The following RYR3 variants were observed in gnomAD, a reference collection of about 807,000 sequenced individuals.
RYR3 encodes ryanodine receptor 3, also known as brain ryanodine receptor-calcium release channel.
A neutral mutation model predicts 584.3 loss-of-function variants in RYR3; 207 were observed. The observed-to-expected ratio is 0.35, with a 90% confidence interval of 0.32 to 0.40. The LOEUF is 0.40. RYR3 is among the 10% of genes least tolerant of loss of function. The probability of loss-of-function intolerance (pLI) is 1.00; values close to 1 mark genes in which losing one functional copy is unlikely to be tolerated. For missense variants in RYR3, 5,616 were observed against 6,089.2 expected (o/e 0.92, Z 2.59); for synonymous variants, 2,416 against 2,248.5 (o/e 1.07, Z -2.11).
chr15:33,387,755 C>T (rs776402789), intron 1 of RYR3, among the ~76,000 whole-genome samples: 8 of 151,106 alleles, frequency 5.3e-5, no homozygotes, highest in Non-Finnish European at 1.0e-4. Context: ...GAACAAAATG[C>T]TCTAAAAAAA....
At chr15:33,625,935 T>C (rs1167278782) in intron 20 of RYR3, among the ~76,000 whole-genome samples, 4 of 152,180 alleles carry the variant, frequency 2.6e-5, no homozygotes, top group African/African-American at 9.7e-5. Context: ...TTTTTCAAAG[T>C]CTTCAGCTCA....
At chr15:33,840,779 C>T in intron 89 of RYR3, 46 bp from the exon 90 acceptor site, 3 of 1,584,890 alleles carry the variant, frequency 1.9e-6, no homozygotes, top group Non-Finnish European at 2.6e-6. Flanking sequence ...ATCATCATGA[C>T]CTCGCTTCTT....
intron 27 of RYR3, 62 bp downstream of exon 27, chr15:33,636,612 C>G: frequency 4.3e-6 from 6 of 1,391,218 alleles, no homozygotes; most frequent in Non-Finnish European, 4.9e-6. Flanking sequence ...ATAGGGAGAG[C>G]TGAGCGACCT....
In RYR3 at chr15:33,581,566, C is replaced by T; in HGVS notation, c.1496C>T (p.Ala499Val). 6.2e-7 allele frequency: 1 copy of T among 1,613,284 alleles called. No homozygotes were observed. The highest frequency in any genetic ancestry group is 8.5e-7 in the Non-Finnish European group (1 of 1,179,248). The change falls in exon 14 of 104, where the codon GCA becomes GTA. Residue 499 changes from alanine to valine, a missense_variant. Physicochemically the swap from Ala to Val is moderately conservative, Grantham distance 64. Coordinates refer to ENST00000634891, the MANE Select transcript of RYR3 (RefSeq NM_001036.6). ...CGCTTAAATGTCTACAATAGCGTAG[C>T]ACACTTTGCAGGGATTGCAAGGGAA... ...IDRLNVYNSV[A>V]HFAGIAREES...
At chr15:33,800,653 G>A (rs2075868338) in intron 67 of RYR3, 117 bp from the exon 68 acceptor site, 1 of 679,616 alleles carries the variant, frequency 1.5e-6, no homozygotes, top group Non-Finnish European at 2.6e-6. Flanking sequence ...GCTTTCATAT[G>A]AGAATGCAGT....
chr15:33,380,551 A>G (rs11633044), intron 1 of RYR3, among the ~76,000 whole-genome samples: 33,669 of 152,116 alleles, frequency 0.22, 3,914 homozygotes, highest in East Asian at 0.38. Context: ...TTCAAGGGAG[A>G]GGGCTAAATA....
At chr15:33,630,617 G>T (rs1250497013) in intron 22 of RYR3, among the ~76,000 whole-genome samples, 1 of 152,172 alleles carries the variant, frequency 6.6e-6, no homozygotes, top group Non-Finnish European at 1.5e-5. Context: ...TTGTCCCACA[G>T]GCTTACATGG....
In RYR3 at chr15:33,738,509, G is replaced by A; in HGVS notation, c.7575G>A (p.Gly2525=). Residue 2525 remains glycine, a synonymous_variant, in exon 50 of 104, where the codon GGG becomes GGA. Coordinates refer to ENST00000634891, the MANE Select transcript of RYR3 (RefSeq NM_001036.6). ...WKYYCLPSGW[G]SYGLAVEEEL... ...ATTACTGCCTGCCTTCAGGATGGGG[G>A]AGCTACGGGCTAGCTGTGGAAGAAG... 1 of 1,613,952 alleles carries A rather than the reference G, an allele frequency of 6.2e-7. No individual in the cohort carries two copies. The highest frequency in any genetic ancestry group is 8.5e-7 in the Non-Finnish European group (1 of 1,179,864).
chr15:33,863,549 G>GC (rs1889298203), intron 102 of RYR3, among the ~76,000 whole-genome samples: 1 of 152,290 alleles, frequency 6.6e-6, no homozygotes, highest in Non-Finnish European at 1.5e-5. Context: ...TGAGAGTTCA[G>GC]CCCCTGCCCC....
At chr15:33,360,099 C>T (rs543130588) in intron 1 of RYR3, among the ~76,000 whole-genome samples, 1 of 152,228 alleles carries the variant, frequency 6.6e-6, no homozygotes, top group East Asian at 1.9e-4. Flanking sequence ...ATATCATATT[C>T]CAGCACTTAG....
intron 96 of RYR3, 99 bp from the exon 97 acceptor site, chr15:33,854,290 T>A: frequency 1.2e-6 from 1 of 868,012 alleles, no homozygotes. Context: ...CATATTTAGG[T>A]TATTAAACCT....
chr15:33,652,634 T>C, intron 31 of RYR3, 84 bp from the exon 32 acceptor site: 1 of 1,409,636 alleles, frequency 7.1e-7, no homozygotes, highest in Non-Finnish European at 9.7e-7. Flanking sequence ...TCTGTAGCCA[T>C]TTTCATTTTT....
intron 60 of RYR3, among the ~76,000 whole-genome samples, chr15:33,763,364 A>G (rs1330207089): frequency 6.6e-6 from 1 of 151,972 alleles, no homozygotes; most frequent in African/African-American, 2.4e-5. Context: ...TTTGCAATCT[A>G]TCTGTCTGAC....
chr15:33,862,578 G>A (rs1002319667), intron 102 of RYR3, among the ~76,000 whole-genome samples: 3 of 152,126 alleles, frequency 2.0e-5, no homozygotes, highest in Non-Finnish European at 4.4e-5. Context: ...AAGATAACAT[G>A]TTTTTGCTGG....
chr15:33,646,101 C>A (rs2062087807), intron 28 of RYR3, among the ~76,000 whole-genome samples: 1 of 152,180 alleles, frequency 6.6e-6, no homozygotes, highest in Non-Finnish European at 1.5e-5. Context: ...TATTCTCCAC[C>A]CTTGGCCTTA....
chr15:33,807,652 A>C, intron 70 of RYR3, 83 bp downstream of exon 70: 18 of 1,334,658 alleles, frequency 1.3e-5, no homozygotes, highest in Non-Finnish European at 1.7e-5. Context: ...TGTGATCACC[A>C]TGGGGGTGGT....
chr15:33,745,274 A>G (rs1170927899), intron 52 of RYR3, among the ~76,000 whole-genome samples: 2 of 152,064 alleles, frequency 1.3e-5, no homozygotes, highest in Non-Finnish European at 1.5e-5. Context: ...AGCAAAGCTT[A>G]AATAGGTTTG....
chr15:33,788,282 T>G lies in RYR3; in HGVS notation c.9654T>G (p.Thr3218=). ...TGCTGAGAAGCCACTTCATCCCAACTCTGGAGAAGCTGAAGAAAAAGGCTG... is the reference window on the plus strand; with the variant it reads ...TGCTGAGAAGCCACTTCATCCCAACGCTGGAGAAGCTGAAGAAAAAGGCTG... The part of the protein sequence containing the change: ...PDLLRSHFIP[T]LEKLKKKAVK... The change falls in exon 67 of 104, where the codon ACT becomes ACG. Residue 3218 remains threonine, a synonymous_variant. Transcript: ENST00000634891. The G allele has an allele frequency of 6.2e-7, 1 of 1,613,806 alleles. No individual in the cohort carries two copies. The highest frequency in any genetic ancestry group is 2.2e-5 in the East Asian group (1 of 44,876).
At position 33,663,580 on chromosome 15, in the gene RYR3, A is replaced by C; in HGVS notation, c.5462A>C (p.His1821Pro). 1 of 1,613,916 alleles carries C rather than the reference A, an allele frequency of 6.2e-7. No homozygotes were observed. The highest frequency in any genetic ancestry group is 8.5e-7 in the Non-Finnish European group (1 of 1,179,882). ...LSYLCDCELQ[H>P]RVEAIVAFGD... ...TATCTCTGCGACTGTGAGCTGCAGC[A>C]CCGAGTGGAGGCCATTGTGGCATTT... The change falls in exon 36 of 104, where the codon CAC (histidine) becomes CCC (proline). Residue 1821 changes from histidine (H) to proline (P), a missense_variant. Coordinates refer to ENST00000634891, the MANE Select transcript of RYR3 (RefSeq NM_001036.6).
Sources: allele counts gnomAD v4.1 joint callset (sites outside exome capture counted in the v4.1 genomes callset), GRCh38; gene constraint gnomAD v4.1.1; transcripts MANE v1.5; gene names NCBI Gene and HGNC (gene_info 2026-07-23, HGNC 2026-07-21).